Variants in ACSBG2 observed in about 807,000 individuals in gnomAD.
ACSBG2 encodes long-chain-fatty-acid--CoA ligase ACSBG2.
ACSBG2 carries 62 observed loss-of-function variants against 74.7 expected under a neutral mutation model. The observed-to-expected ratio is 0.83, with a 90% CI of 0.68 to 1.03. ACSBG2 has a LOEUF of 1.03. ACSBG2 is among the 50% of genes least tolerant of loss of function. The probability of loss-of-function intolerance (pLI) is 0.00; values close to 1 mark genes in which losing one functional copy is unlikely to be tolerated. For missense variants in ACSBG2, 730 were observed against 817.6 expected, an observed-to-expected ratio of 0.89 and a Z score of 1.31; for synonymous variants, 309 against 294.1, an observed-to-expected ratio of 1.05 and a Z score of -0.52.
chr19:6,178,303 A>G (rs1207362905), intron 8 of ACSBG2, among the ~76,000 whole-genome samples: 1 of 152,070 alleles, frequency 6.6e-6, no homozygotes, highest in Non-Finnish European at 1.5e-5. Flanking sequence ...GTTTTTGCAT[A>G]CATGTCCAGT....
intron 2 of ACSBG2, among the ~76,000 whole-genome samples, chr19:6,142,120 C>A (rs2088865938): frequency 6.6e-6 from 1 of 152,116 alleles, no homozygotes; most frequent in African/African-American, 2.4e-5. Context: ...GGTGATGTGA[C>A]ACTGGGCAAG....
chr19:6,164,898 C>G (rs141805534), intron 6 of ACSBG2, among the ~76,000 whole-genome samples: 1 of 152,266 alleles, frequency 6.6e-6, no homozygotes, highest in East Asian at 1.9e-4. Flanking sequence ...TGGAGTCAGA[C>G]CTTGGGTTTG....
intron 8 of ACSBG2, among the ~76,000 whole-genome samples, chr19:6,181,577 T>C (rs947847652): frequency 5.9e-5 from 9 of 152,190 alleles, no homozygotes; most frequent in Admixed American, 1.3e-4. Flanking sequence ...GTTTGATTTA[T>C]CTATTTTCTT....
rs1478837183 is a variant in ACSBG2 at position 6,165,075 on chromosome 19, CAACA to C, written c.589-780_589-777del. Among the ~76,000 whole-genome samples, 10 of 152,288 alleles carry C rather than the reference CAACA, an allele frequency of 6.6e-5. No homozygotes were observed. The East Asian group carries it at 7.7e-4, about 12-fold the overall frequency. On this transcript the variant is annotated intron_variant, in intron 6 of 14. Transcript: ENST00000588485. The stretch of plus-strand genomic sequence containing the variant: ...AAAGTCTGACCCCAAATGGCTTAAG[CAACA>C]AACAAACAAAAAGATAATCTGTTGG...
chr19:6,163,133 T>C (rs2089680768), intron 6 of ACSBG2, among the ~76,000 whole-genome samples: 1 of 141,128 alleles, frequency 7.1e-6, no homozygotes, highest in Non-Finnish European at 1.6e-5. Context: ...ATAATAATAA[T>C]AATAATAATA....
chr19:6,188,209 C>T (rs2145280276), intron 13 of ACSBG2, among the ~76,000 whole-genome samples: 1 of 152,298 alleles, frequency 6.6e-6, no homozygotes, highest in South Asian at 2.1e-4. Flanking sequence ...GCCTGGATGG[C>T]TTCTTCTCAT....
At chr19:6,182,426 T>C (rs2090285918) in intron 8 of ACSBG2, among the ~76,000 whole-genome samples, 1 of 152,218 alleles carries the variant, frequency 6.6e-6, no homozygotes, top group South Asian at 2.1e-4. Context: ...ACGTGTTTCT[T>C]TGTGTGCCTG....
Position 6,177,233 on chromosome 19 carries a change from C to T in ACSBG2, c.743C>T (p.Thr248Met), listed in dbSNP as rs781126332. ...GGATTGTCCCTTATGTTACAGATCA[C>T]GTGGATTGCAGGAGCAGTGACAAAG... is the stretch of plus-strand genomic sequence containing the variant. ...KGVMLSHDNI[T>M]WIAGAVTKDF... is the part of the protein sequence containing the mutation. The change falls in exon 8 of 15, where the codon ACG becomes ATG. Residue 248 changes from threonine (T) to methionine (M), a missense_variant. Transcript: ENST00000588485. 8.7e-6 allele frequency: 14 copies of T among 1,613,844 alleles called. No individual in the cohort carries two copies. Among genetic ancestry groups the T allele is most frequent in the South Asian group, 6.6e-5 (6 of 91,072 alleles).
At chr19:6,152,279 A>AT (rs71172791) in intron 4 of ACSBG2, among the ~76,000 whole-genome samples, 7,066 of 68,484 alleles carry the variant, frequency 0.1, 2,308 homozygotes, top group African/African-American at 0.2. Flanking sequence ...CACCCAGCTA[A>AT]TTTTTTTTTT....
At chr19:6,150,523 G>C (rs575487393) in intron 3 of ACSBG2, among the ~76,000 whole-genome samples, 1 of 152,234 alleles carries the variant, frequency 6.6e-6, no homozygotes, top group South Asian at 2.1e-4. Context: ...CAAAAAGGAA[G>C]GAAATTCTGA....
rs774957775 is a variant in ACSBG2 at position 6,190,692 on chromosome 19, G to A, written c.*35G>A. ...TGGAGCTGCTCTCAGCTGTTCTGAT[G>A]GTGAGATTCAGTTGCTTGGCTTTGC... is the stretch of plus-strand genomic sequence containing the variant. On this transcript the variant is annotated splice_region_variant and 3_prime_UTR_variant, in exon 14 of 15. Transcript: ENST00000588485. The A allele has an allele frequency of 2.5e-6, 4 of 1,601,892 alleles. No individual in the cohort carries two copies. The highest frequency in any genetic ancestry group is 3.4e-6 in the Non-Finnish European group (4 of 1,169,170).
chr19:6,162,372 C>T (rs1231782138), intron 6 of ACSBG2, among the ~76,000 whole-genome samples: 4 of 151,408 alleles, frequency 2.6e-5, no homozygotes, highest in African/African-American at 4.9e-5. Context: ...CGAGACCATC[C>T]TGGCTAACAC....
intron 3 of ACSBG2, among the ~76,000 whole-genome samples, chr19:6,151,061 C>A (rs1423610770): frequency 3.3e-5 from 5 of 150,674 alleles, no homozygotes; most frequent in Non-Finnish European, 7.4e-5. Flanking sequence ...TTGCAGTGAG[C>A]CGAGATCGCA....
intron 1 of ACSBG2, among the ~76,000 whole-genome samples, chr19:6,141,213 C>A (rs932866971): frequency 6.6e-5 from 10 of 152,284 alleles, no homozygotes; most frequent in Middle Eastern, 3.4e-3. Flanking sequence ...ATGAGAGTTT[C>A]TTTCCCCTGG....
rs1050765360 is a variant in ACSBG2 at position 6,174,031 on chromosome 19, A to G, written c.739-3198A>G. Among the ~76,000 whole-genome samples the G allele has an allele frequency of 1.3e-5, 2 of 151,252 alleles. No homozygotes were observed. Among genetic ancestry groups the G allele is most frequent in the African/African-American group, 2.4e-5 (1 of 40,994 alleles). ...GACTCACTGCAACCTCTGCCTCCCA[A>G]TTTCAAGCGATTCCCCCACCTCAGC... is the stretch of plus-strand genomic sequence containing the variant. On this transcript the variant is annotated intron_variant, in intron 7 of 14. Coordinates refer to ENST00000588485, the MANE Select transcript of ACSBG2 (RefSeq NM_030924.5). This position sits in a 1 kb window ranked among gnomAD's most constrained non-coding sequence, Gnocchi z 4.2.
intron 7 of ACSBG2, among the ~76,000 whole-genome samples, chr19:6,168,845 C>T (rs578205580): frequency 1.3e-5 from 2 of 152,184 alleles, no homozygotes; most frequent in Admixed American, 6.5e-5. Flanking sequence ...GTGACACTAT[C>T]GCGGCACACT....
In ACSBG2 at chr19:6,151,771, C is replaced by T; in HGVS notation, c.362C>T (p.Thr121Ile). 6.3e-7 allele frequency: 1 copy of T among 1,599,876 alleles called. No individual in the cohort carries two copies. The highest frequency in any genetic ancestry group is 1.1e-5 in the South Asian group (1 of 88,474). The change falls in exon 4 of 15, where the codon ACT becomes ATT. Residue 121 changes from threonine (T) to isoleucine (I), a missense_variant. By Grantham distance (89) the Thr-to-Ile change is moderately conservative. Transcript: ENST00000588485. ...TTTAACTCTGCAGAGTGGTTTATCA[C>T]TGCTGTTGGTGCCATCCTAGCCGGG... Reference protein sequence around the residue: ...LGFNSAEWFITAVGAILAGGL... With the variant: ...LGFNSAEWFIIAVGAILAGGL...
chr19:6,138,623 G>GA, intron 1 of ACSBG2, among the ~76,000 whole-genome samples: 1 of 25,212 alleles, frequency 4.0e-5, no homozygotes, highest in Non-Finnish European at 8.2e-5. Context: ...GAAGGAAGGG[G>GA]AGGAAGAAAG....
chr19:6,161,240 T>C lies in ACSBG2; in HGVS notation c.533T>C (p.Leu178Pro). The change falls in exon 6 of 15, where the codon CTA becomes CCA. Residue 178 changes from leucine (L) to proline (P), a missense_variant. Transcript: ENST00000588485. ...ATTCCACAGAGCAGCCTAGAGCCCC[T>C]AAAAGCGATCATCCAGTACAGACTG... ...LSIPQSSLEP[L>P]KAIIQYRLPM... 1 of 1,613,232 alleles carries C rather than the reference T, an allele frequency of 6.2e-7. No homozygotes were observed. Among genetic ancestry groups the C allele is most frequent in the Non-Finnish European group, 8.5e-7 (1 of 1,179,468 alleles).
Sources: gnomAD v4.1 joint callset for allele counts (sites outside exome capture counted in the v4.1 genomes callset) on GRCh38, gnomAD v4.1.1 for gene constraint, Gnocchi (gnomAD v3.1) non-coding constraint, MANE v1.5 for transcripts, NCBI Gene and HGNC (gene_info 2026-07-23, HGNC 2026-07-21) for gene names.